Variants in AMPD2 observed in about 807,000 individuals in gnomAD.
AMPD2 encodes adenosine monophosphate deaminase 2, also known as AMP deaminase 2.
In AMPD2, 52 loss-of-function variants were observed where a neutral mutation model predicts 91.3. The observed-to-expected ratio is 0.57, with a 90% confidence interval of 0.46 to 0.72. The LOEUF (loss-of-function observed/expected upper bound fraction) is 0.72. AMPD2 is among the 30% of genes least tolerant of loss of function. AMPD2 has a pLI of 0.00. For missense variants in AMPD2, 822 were observed against 1,122.3 expected (o/e 0.73, Z 3.82); for synonymous variants, 455 against 456.4 (o/e 1.00, Z 0.04).
chr1:109,629,912 G>T lies in AMPD2; in HGVS notation c.1979G>T (p.Arg660Leu), dbSNP rs955380053. The change falls in exon 16 of 19, where the codon CGC (arginine) becomes CTC (leucine). Residue 660 changes from arginine to leucine, a missense_variant. Arg to Leu is a moderately radical substitution (Grantham distance 102). Coordinates refer to ENST00000528667, the MANE Select transcript of AMPD2 (RefSeq NM_001368809.2). ...AENISHGLLLRKAPVLQYLYY... is the reference protein window; with the variant it reads ...AENISHGLLLLKAPVLQYLYY... ...AACATTTCCCACGGGCTCCTTCTGC[G>T]CAAGGTCAGGATCTGCACCCCTAGC... The T allele has an allele frequency of 1.2e-6, 2 of 1,604,912 alleles. No homozygotes were observed. The highest frequency in any genetic ancestry group is 1.1e-5 in the South Asian group (1 of 89,994).
rs751458753 is a variant in AMPD2, at chr1:109,627,434, C to T, written c.866C>T (p.Ser289Leu). 1.2e-6 allele frequency: 2 copies of T among 1,614,076 alleles called. No individual in the cohort carries two copies. Among genetic ancestry groups the T allele is most frequent in the Admixed American group, 1.7e-5 (1 of 60,014 alleles). The change falls in exon 9 of 19, where the codon TCA becomes TTA. Residue 289 changes from serine to leucine, a missense_variant. Coordinates refer to ENST00000528667, the MANE Select transcript of AMPD2 (RefSeq NM_001368809.2). ...CAAGCTCCCCTCCATGCCAGTTGCT[C>T]AGAGGTGGAGCTGCCATACCCTGAC... ...YTRREPDEHCSEVELPYPDLQ... is the reference protein window; with the variant it reads ...YTRREPDEHCLEVELPYPDLQ...
At position 109,626,075 on chromosome 1, in the gene AMPD2, G is replaced by T. The variant is rs1038777242; in HGVS notation, c.354-85G>T. The T allele has an allele frequency of 5.6e-6, 8 of 1,424,820 alleles. No homozygotes were observed. The South Asian group carries it at 9.3e-5, about 17-fold the overall frequency. The allele number at this position is 1,424,820 out of a possible 1,614,324, so 88.3% of individuals were successfully genotyped here. ...TTGAGGATCACATGTGACAACATGTGCACAGCACCTAGTGCGGTGCTGGGA... is the reference window on the plus strand; with the variant it reads ...TTGAGGATCACATGTGACAACATGTTCACAGCACCTAGTGCGGTGCTGGGA... On this transcript the variant is annotated intron_variant, in intron 4 of 18. Transcript: ENST00000528667.
rs1650125581 is a variant in AMPD2 at position 109,620,205 on chromosome 1, C to T, written c.-336C>T. 2.5e-6 allele frequency: 4 copies of T among 1,613,134 alleles called. No homozygotes were observed. The highest frequency in any genetic ancestry group is 3.4e-6 in the Non-Finnish European group (4 of 1,179,158). The stretch of plus-strand genomic sequence containing the variant: ...GTGGCCCGATCCCCCTGCCGTCCCT[C>T]AGGACCCGGGCTTTCTGCTGTACAG... On this transcript the variant is annotated 5_prime_UTR_variant, in exon 1 of 19. Transcript: ENST00000528667.
chr1:109,630,597 T>TGGGGGGGGGGGGGGGGGGGGGGGGGGG, intron 17 of AMPD2, 86 bp from the exon 18 acceptor site: 1 of 223,312 alleles, frequency 4.5e-6, no homozygotes, highest in East Asian at 1.7e-4. Flanking sequence ...GGGGCGGGGG[T>TGGGGGGGGGGGGGGGGGGGGGGGGGGG]GGGGAGAGTG....
chr1:109,622,999 A>G (rs1650383913), intron 2 of AMPD2, among the ~76,000 whole-genome samples: 1 of 152,098 alleles, frequency 6.6e-6, no homozygotes, highest in Non-Finnish European at 1.5e-5. Context: ...TAAGAGATAG[A>G]GTCACCCCAT....
Position 109,628,544 on chromosome 1 carries a change from GC to G in AMPD2, c.1407+50del, listed in dbSNP as rs111763709. ...AAGCCTCGAGCCTGAGGATCTGGGG[GC>G]TTTTAGGGGGTGAGACTCAAGGAGG... On this transcript the variant is annotated intron_variant, in intron 12 of 18. Coordinates refer to ENST00000528667, the MANE Select transcript of AMPD2 (RefSeq NM_001368809.2). The surrounding 1 kb of genome is among the most constrained non-coding windows in gnomAD (Gnocchi z 7.1). The G allele has an allele frequency of 3.4e-3, 5,511 of 1,612,456 alleles. 141 individuals are homozygous for G. In the African/African-American group the frequency reaches 0.061, roughly 18 times the overall value.
At chr1:109,630,049 TC>T in intron 16 of AMPD2, 133 bp downstream of exon 16, 2 of 1,437,802 alleles carry the variant, frequency 1.4e-6, no homozygotes, top group Non-Finnish European at 1.9e-6. Flanking sequence ...TAACTACCCT[TC>T]CCCACCCCAG....
chr1:109,626,767 G>T lies in AMPD2; in HGVS notation c.573G>T (p.Val191=). The T allele has an allele frequency of 6.2e-7, 1 of 1,613,912 alleles. No homozygotes were observed. The highest frequency in any genetic ancestry group is 8.5e-7 in the Non-Finnish European group (1 of 1,179,886). ...TGCTGGATGCAGCCAAGAGTGTGGT[G>T]CGGGCGCTCTTCATCCGGGAGAAGT... is the stretch of plus-strand genomic sequence containing the variant. The part of the protein sequence containing the change: ...TDLLDAAKSV[V]RALFIREKYM... Residue 191 remains valine, a synonymous_variant, in exon 7 of 19, where the codon GTG becomes GTT. Coordinates refer to ENST00000528667, the MANE Select transcript of AMPD2 (RefSeq NM_001368809.2).
rs1417051978 is a variant in AMPD2, at chr1:109,620,194, C to G, written c.-347C>G. ...GGCTGGGGTCTGTGGCCCGATCCCC[C>G]TGCCGTCCCTCAGGACCCGGGCTTT... On this transcript the variant is annotated 5_prime_UTR_variant, in exon 1 of 19. Transcript: ENST00000528667. The G allele has an allele frequency of 6.2e-7, 1 of 1,607,240 alleles. No homozygotes were observed. The highest frequency in any genetic ancestry group is 1.7e-5 in the Admixed American group (1 of 60,002).
chr1:109,629,963 T>C lies in AMPD2; in HGVS notation c.1983+47T>C, dbSNP rs150222633. 595 of 1,561,254 alleles carry C rather than the reference T, an allele frequency of 3.8e-4. 2 individuals are homozygous for C. The African/African-American group carries it at 7.0e-3, about 18-fold the overall frequency. ...CTTCCCTCCCAATTGTTCACCTTCC[T>C]CTGAACCATTCGGGCCCCTTCAGCA... is the stretch of plus-strand genomic sequence containing the variant. On this transcript the variant is annotated intron_variant, in intron 16 of 18. Coordinates refer to ENST00000528667, the MANE Select transcript of AMPD2 (RefSeq NM_001368809.2).
rs767780502 is a variant in AMPD2, at chr1:109,630,372, C to G, written c.2123C>G (p.Ser708Cys). 1 of 1,613,798 alleles carries G rather than the reference C, an allele frequency of 6.2e-7. No homozygotes were observed. The highest frequency in any genetic ancestry group is 1.1e-5 in the South Asian group (1 of 91,066). ...YLSRGLMVSL[S>C]TDDPLQFHFT... is the part of the protein sequence containing the mutation. Reference sequence around the variant, plus strand: ...TCCCGCGGCCTCATGGTCTCCCTGTCCACTGATGATCCCTTGCAGTTCCAC... The same window carrying G: ...TCCCGCGGCCTCATGGTCTCCCTGTGCACTGATGATCCCTTGCAGTTCCAC... The change falls in exon 17 of 19, where the codon TCC becomes TGC. Residue 708 changes from serine to cysteine, a missense_variant. Around this residue, in one of 5 missense-constraint regions of AMPD2, gnomAD observed 430 missense variants for 606.0 expected, o/e 0.71. Coordinates refer to ENST00000528667, the MANE Select transcript of AMPD2 (RefSeq NM_001368809.2).
chr1:109,630,081 C>G, intron 16 of AMPD2, 152 bp from the exon 17 acceptor site: 1 of 1,355,172 alleles, frequency 7.4e-7, no homozygotes, highest in Non-Finnish European at 1.0e-6. Context: ...GGGGCCCCAA[C>G]TTGGATTTTG....
At position 109,620,139 on chromosome 1, in the gene AMPD2, G is replaced by A. The variant is rs986896052; in HGVS notation, c.-402G>A. On this transcript the variant is annotated 5_prime_UTR_variant, in exon 1 of 19. In the 5' UTR this introduces an upstream ATG that the reference lacks. Transcript: ENST00000528667. ...AGACTGCCTTACTTTCCCCATCTCA[G>A]TGCCAGGGCAGGGGCCCTTGGAGTG... 6 of 1,312,928 alleles carry A rather than the reference G, an allele frequency of 4.6e-6. No individual in the cohort carries two copies. The highest frequency in any genetic ancestry group is 6.6e-6 in the Non-Finnish European group (6 of 912,754). 81.3% of individuals were successfully genotyped at this position (1,312,928 alleles called of 1,614,324 possible).
rs151145996 is a variant in AMPD2 at position 109,624,717 on chromosome 1, G to A, written c.92-586G>A. On this transcript the variant is annotated intron_variant, in intron 2 of 18. Coordinates refer to ENST00000528667, the MANE Select transcript of AMPD2 (RefSeq NM_001368809.2). The surrounding 1 kb of genome is among the most constrained non-coding windows in gnomAD (Gnocchi z 5.2). ...TCCTCTCCTCTTCCCTTGAGGGCTCGTCCCTAGGTCAGAGCTGAGCAGCAG... is the reference window on the plus strand; with the variant it reads ...TCCTCTCCTCTTCCCTTGAGGGCTCATCCCTAGGTCAGAGCTGAGCAGCAG... Among the ~76,000 whole-genome samples the A allele has an allele frequency of 1.2e-3, 190 of 152,302 alleles. 1 individual carries two copies. The East Asian group carries it at 0.023, about 18-fold the overall frequency.
chr1:109,628,207 T>C lies in AMPD2; in HGVS notation c.1205T>C (p.Leu402Pro). The C allele has an allele frequency of 6.2e-7, 1 of 1,614,010 alleles. No individual in the cohort carries two copies. Residue 402 changes from leucine to proline, a missense_variant, in exon 11 of 19, where the codon CTG (leucine) becomes CCG (proline). Physicochemically the swap from Leu to Pro is moderately conservative, Grantham distance 98. This residue lies in a region of AMPD2 where 430 missense variants were observed against 606.0 expected (regional missense o/e 0.71). Coordinates refer to ENST00000528667, the MANE Select transcript of AMPD2 (RefSeq NM_001368809.2). This position sits in a 1 kb window ranked among gnomAD's most constrained non-coding sequence, Gnocchi z 7.1. ...GTGGAGCAGGGCCGTGAACAGACGC[T>C]GCGGGAGGTCTTTGAGAGCATGAAT... ...VHVEQGREQT[L>P]REVFESMNLT... is the part of the protein sequence containing the mutation.
In AMPD2 at chr1:109,628,211, G is replaced by C. The variant is rs779599631; in HGVS notation, c.1209G>C (p.Arg403=). 2 of 1,614,052 alleles carry C rather than the reference G, an allele frequency of 1.2e-6. No individual in the cohort carries two copies. The highest frequency in any genetic ancestry group is 2.2e-5 in the South Asian group (2 of 91,082). ...AGCAGGGCCGTGAACAGACGCTGCGGGAGGTCTTTGAGAGCATGAATCTCA... is the reference window on the plus strand; with the variant it reads ...AGCAGGGCCGTGAACAGACGCTGCGCGAGGTCTTTGAGAGCATGAATCTCA... The part of the protein sequence containing the change: ...HVEQGREQTL[R]EVFESMNLTA... Residue 403 remains arginine, a synonymous_variant, in exon 11 of 19, where the codon CGG becomes CGC. Coordinates refer to ENST00000528667, the MANE Select transcript of AMPD2 (RefSeq NM_001368809.2). This position sits in a 1 kb window ranked among gnomAD's most constrained non-coding sequence, Gnocchi z 7.1.
rs903221446 is a variant in AMPD2 at position 109,624,747 on chromosome 1, G to C, written c.92-556G>C. On this transcript the variant is annotated intron_variant, in intron 2 of 18. Coordinates refer to ENST00000528667, the MANE Select transcript of AMPD2 (RefSeq NM_001368809.2). This position sits in a 1 kb window ranked among gnomAD's most constrained non-coding sequence, Gnocchi z 5.2. Reference sequence around the variant, plus strand: ...TAGGTCAGAGCTGAGCAGCAGCTGCGGCTTCTCTTGTGCTGCACAGGTCTA... The same window carrying C: ...TAGGTCAGAGCTGAGCAGCAGCTGCCGCTTCTCTTGTGCTGCACAGGTCTA... 6.6e-6 allele frequency among the ~76,000 whole-genome samples: 1 copy of C among 152,178 alleles called. No individual in the cohort carries two copies. Among genetic ancestry groups the C allele is most frequent in the African/African-American group, 2.4e-5 (1 of 41,444 alleles).
Position 109,627,420 on chromosome 1 carries a change from C to A in AMPD2, c.861-9C>A. 4 of 1,614,116 alleles carry A rather than the reference C, an allele frequency of 2.5e-6. No homozygotes were observed. Among genetic ancestry groups the A allele is most frequent in the Non-Finnish European group, 3.4e-6 (4 of 1,179,992 alleles). ...TTGCTCTCCTCACCCAAGCTCCCCTCCATGCCAGTTGCTCAGAGGTGGAGC... is the reference window on the plus strand; with the variant it reads ...TTGCTCTCCTCACCCAAGCTCCCCTACATGCCAGTTGCTCAGAGGTGGAGC... On this transcript the variant is annotated splice_polypyrimidine_tract_variant and intron_variant, in intron 8 of 18. Coordinates refer to ENST00000528667, the MANE Select transcript of AMPD2 (RefSeq NM_001368809.2).
Position 109,627,436 on chromosome 1 carries a change from G to C in AMPD2, c.868G>C (p.Glu290Gln). 1.2e-6 allele frequency: 2 copies of C among 1,614,088 alleles called. No homozygotes were observed. The highest frequency in any genetic ancestry group is 2.2e-5 in the South Asian group (2 of 91,076). ...TRREPDEHCS[E>Q]VELPYPDLQE... ...AGCTCCCCTCCATGCCAGTTGCTCA[G>C]AGGTGGAGCTGCCATACCCTGACCT... The change falls in exon 9 of 19, where the codon GAG becomes CAG. Residue 290 changes from glutamate to glutamine, a missense_variant. Glu to Gln is a conservative substitution (Grantham distance 29). Around this residue, in one of 5 missense-constraint regions of AMPD2, gnomAD observed 240 missense variants for 270.3 expected, o/e 0.89. Coordinates refer to ENST00000528667, the MANE Select transcript of AMPD2 (RefSeq NM_001368809.2).
Sources: gnomAD v4.1 joint callset for allele counts (sites outside exome capture counted in the v4.1 genomes callset) on GRCh38, gnomAD v4.1.1 for gene constraint, gnomAD v4.1.1 regional missense constraint, Gnocchi (gnomAD v3.1) non-coding constraint, MANE v1.5 for transcripts, NCBI Gene and HGNC (gene_info 2026-07-23, HGNC 2026-07-21) for gene names.